Variants in RGSL1 observed in about 807,000 individuals in gnomAD.
The protein encoded by RGSL1 is regulator of G protein signaling like 1.
A neutral mutation model predicts 124.7 loss-of-function variants in RGSL1; 97 were observed. The observed-to-expected ratio is 0.78, with a 90% CI of 0.66 to 0.92. RGSL1 has a LOEUF of 0.92. Among genes scored for constraint, RGSL1 ranks in the 40% least tolerant of loss-of-function variants. The probability of loss-of-function intolerance (pLI) is 0.00; values close to 1 mark genes in which losing one functional copy is unlikely to be tolerated. For synonymous variants in RGSL1, 424 were observed against 438.1 expected (o/e 0.97, Z 0.40); for missense variants, 1,233 against 1,288.4 (o/e 0.96, Z 0.66).
chr1:182,499,122 A>G (rs1382787643), intron 9 of RGSL1, among the ~76,000 whole-genome samples: 1 of 152,172 alleles, frequency 6.6e-6, no homozygotes, highest in Admixed American at 6.5e-5. Context: ...AGTATGTGCC[A>G]TGTGCAGATA....
intron 15 of RGSL1, among the ~76,000 whole-genome samples, chr1:182,546,496 C>T (rs557509170): frequency 1.1e-4 from 16 of 152,072 alleles, no homozygotes; most frequent in Non-Finnish European, 1.3e-4. Context: ...TGGGTTCAAG[C>T]GATTCTCTTG....
chr1:182,501,825 G>C (rs1217949276), intron 9 of RGSL1, among the ~76,000 whole-genome samples: 4 of 152,186 alleles, frequency 2.6e-5, no homozygotes, highest in Non-Finnish European at 5.9e-5. Context: ...AAGAAGAATT[G>C]ATGTTAATTC....
intron 18 of RGSL1, 118 bp downstream of exon 18, chr1:182,551,327 C>A: frequency 1.3e-6 from 1 of 772,768 alleles, no homozygotes; most frequent in Non-Finnish European, 2.1e-6. Context: ...GGAGCCGGGA[C>A]AGCTCATTTA....
In RGSL1 at chr1:182,540,529, G is replaced by C; in HGVS notation, c.2669+108G>C. The C allele has an allele frequency of 6.7e-6, 6 of 893,248 alleles. 1 individual carries two copies. In the South Asian group the frequency reaches 1.4e-4, roughly 21 times the overall value. The allele number at this position is 893,248 out of a possible 1,614,324, so 55.3% of individuals were successfully genotyped here. On this transcript the variant is annotated intron_variant, in intron 15 of 21. Coordinates refer to ENST00000294854, the MANE Select transcript of RGSL1 (RefSeq NM_001137669.2). The stretch of plus-strand genomic sequence containing the variant: ...TTAGAGATACAGTGATTTCAGACCT[G>C]TCCAGTAAGAGTCTCTCCTTCTGAA...
chr1:182,544,334 T>A (rs779445783), intron 15 of RGSL1, among the ~76,000 whole-genome samples: 1 of 152,064 alleles, frequency 6.6e-6, no homozygotes, highest in African/African-American at 2.4e-5. Flanking sequence ...TGGTATTGAT[T>A]TCTAGTTTTT....
At chr1:182,532,886 C>A (rs948229354) in intron 14 of RGSL1, 95 bp downstream of exon 14, 1 of 1,358,258 alleles carries the variant, frequency 7.4e-7, no homozygotes, top group East Asian at 2.7e-5. Flanking sequence ...GTCATGCCTG[C>A]GGCAGCCTGG....
rs940373948 is a variant in RGSL1, at chr1:182,521,935, T to A, written c.1826-69T>A. 7.8e-6 allele frequency: 8 copies of A among 1,028,654 alleles called. No homozygotes were observed. The Admixed American group carries it at 1.8e-4, about 24-fold the overall frequency. The allele number at this position is 1,028,654 out of a possible 1,614,324, so 63.7% of individuals were successfully genotyped here. On this transcript the variant is annotated intron_variant, in intron 9 of 21. Transcript: ENST00000294854. ...ACATGAACTTTATGTCTGAAAAATA[T>A]CCTTGCTAGTTTTTCCCTTTTCATT...
At chr1:182,483,840 C>T (rs570308283) in intron 6 of RGSL1, among the ~76,000 whole-genome samples, 11 of 152,060 alleles carry the variant, frequency 7.2e-5, no homozygotes, top group Non-Finnish European at 1.3e-4. Flanking sequence ...GGAGCTCAAG[C>T]CCCGGGGTTC....
intron 14 of RGSL1, among the ~76,000 whole-genome samples, chr1:182,535,113 T>A (rs1659446790): frequency 6.6e-6 from 1 of 152,168 alleles, no homozygotes; most frequent in South Asian, 2.1e-4. Context: ...TATGAGCAGC[T>A]GAATACCCAT....
At chr1:182,547,156 G>A (rs1336242860) in intron 15 of RGSL1, among the ~76,000 whole-genome samples, 1 of 152,188 alleles carries the variant, frequency 6.6e-6, no homozygotes, top group Admixed American at 6.5e-5. Context: ...ACTATGACGT[G>A]CTCTCTATTT....
At chr1:182,452,257 G>GA (rs1364278807) in intron 1 of RGSL1, among the ~76,000 whole-genome samples, 1 of 152,030 alleles carries the variant, frequency 6.6e-6, no homozygotes, top group Non-Finnish European at 1.5e-5. Flanking sequence ...AGCCTGGACT[G>GA]AAAACACAGA....
intron 1 of RGSL1, chr1:182,453,685 T>C (rs963440657): frequency 6.1e-6 from 2 of 326,310 alleles, no homozygotes; most frequent in Admixed American, 8.8e-5. Context: ...ACAGTCACAG[T>C]AGGAAAAAAG....
At chr1:182,450,279 C>T (rs1447730082) in intron 1 of RGSL1, 101 bp downstream of exon 1, 2 of 1,339,162 alleles carry the variant, frequency 1.5e-6, no homozygotes, top group African/African-American at 2.9e-5. Context: ...TTCAGGGGCA[C>T]CATGGGTGAC....
At chr1:182,533,233 A>G (rs1659305419) in intron 14 of RGSL1, among the ~76,000 whole-genome samples, 1 of 149,996 alleles carries the variant, frequency 6.7e-6, no homozygotes, top group African/African-American at 2.5e-5. Context: ...TTTTCTGTAT[A>G]TGTATCTTAA....
At chr1:182,540,198 G>A in intron 14 of RGSL1, 49 bp from the exon 15 acceptor site, 1 of 1,491,758 alleles carries the variant, frequency 6.7e-7, no homozygotes, top group Non-Finnish European at 9.0e-7. Flanking sequence ...TTGAGGGTAA[G>A]AGTGACTTGA....
chr1:182,539,492 A>C (rs1438530711), intron 14 of RGSL1, among the ~76,000 whole-genome samples: 2 of 152,152 alleles, frequency 1.3e-5, no homozygotes, highest in Non-Finnish European at 2.9e-5. Context: ...CACCACACCC[A>C]CTTCAATAAA....
intron 6 of RGSL1, among the ~76,000 whole-genome samples, chr1:182,488,064 G>A (rs921522658): frequency 6.6e-6 from 1 of 152,184 alleles, no homozygotes; most frequent in African/African-American, 2.4e-5. Context: ...AATATTTAGT[G>A]CTCTCCTCTG....
intron 9 of RGSL1, among the ~76,000 whole-genome samples, chr1:182,512,627 C>T (rs1657547018): frequency 6.6e-6 from 1 of 152,156 alleles, no homozygotes; most frequent in South Asian, 2.1e-4. Context: ...TTTAGCTCTA[C>T]CATCCACAGA....
intron 9 of RGSL1, among the ~76,000 whole-genome samples, chr1:182,509,678 C>T (rs1271705579): frequency 7.2e-6 from 1 of 139,180 alleles, no homozygotes; most frequent in African/African-American, 2.7e-5. Flanking sequence ...CTGAACCCCC[C>T]ACCTCCCTCC....
Sources: allele counts gnomAD v4.1 joint callset (sites outside exome capture counted in the v4.1 genomes callset), GRCh38; gene constraint gnomAD v4.1.1; transcripts MANE v1.5; gene names NCBI Gene and HGNC (gene_info 2026-07-23, HGNC 2026-07-21).